EIF3H: variants seen among roughly 807,000 people sequenced by gnomAD.
The protein encoded by EIF3H is eukaryotic translation initiation factor 3 subunit H.
Under a neutral mutation model 44.2 loss-of-function variants are expected in EIF3H, and 26 were observed. The observed-to-expected ratio is 0.59, with a 90% CI of 0.43 to 0.82. The LOEUF (loss-of-function observed/expected upper bound fraction) is 0.82. EIF3H is among the 40% of genes least tolerant of loss of function. EIF3H has a pLI of 0.00. For missense variants in EIF3H, 359 were observed against 432.8 expected (o/e 0.83, Z 1.51); for synonymous variants, 166 against 151.9 (o/e 1.09, Z -0.68).
intron 2 of EIF3H, among the ~76,000 whole-genome samples, chr8:116,711,011 C>A (rs1439095267): frequency 6.6e-6 from 1 of 152,140 alleles, no homozygotes; most frequent in East Asian, 1.9e-4. Context: ...GCTATACATA[C>A]ATTTTAGAAA....
intron 2 of EIF3H, among the ~76,000 whole-genome samples, chr8:116,663,878 C>T (rs576544455): frequency 6.8e-6 from 1 of 145,990 alleles, no homozygotes; most frequent in African/African-American, 2.6e-5. Context: ...TTGCAGTGAA[C>T]TGAGATCACA....
At position 116,644,707 on chromosome 8, in the gene EIF3H, G is replaced by T. The variant is rs1010930391; in HGVS notation, c.*299C>A. ...CACCTGAGAGGCAGCAAAAGTGGTG[G>T]AGCCTATAGGTTTCTGCCTGGTGAA... On this transcript the variant is annotated 3_prime_UTR_variant, in exon 8 of 8. Coordinates refer to ENST00000521861, the MANE Select transcript of EIF3H (RefSeq NM_003756.3). 2.6e-5 allele frequency: 7 copies of T among 267,092 alleles called. No homozygotes were observed. The highest frequency in any genetic ancestry group is 4.2e-5 in the Non-Finnish European group (6 of 141,862). 16.5% of individuals were successfully genotyped at this position (267,092 alleles called of 1,614,324 possible).
intron 1 of EIF3H, among the ~76,000 whole-genome samples, chr8:116,728,884 G>A (rs1450689163): frequency 1.3e-5 from 2 of 152,136 alleles, no homozygotes; most frequent in African/African-American, 4.8e-5. Flanking sequence ...AAATGACACA[G>A]TATAGAGTTC....
intron 5 of EIF3H, among the ~76,000 whole-genome samples, chr8:116,651,991 G>C (rs1414631288): frequency 6.6e-6 from 1 of 152,208 alleles, no homozygotes; most frequent in Non-Finnish European, 1.5e-5. Context: ...AGCTGTGAAA[G>C]TAATGAGGAA....
chr8:116,721,067 G>A (rs939906217), intron 2 of EIF3H, among the ~76,000 whole-genome samples: 3 of 152,132 alleles, frequency 2.0e-5, no homozygotes, highest in Non-Finnish European at 1.5e-5. Flanking sequence ...ATGTCTCCAG[G>A]GCACGTCGGA....
intron 1 of EIF3H, among the ~76,000 whole-genome samples, chr8:116,741,955 TAA>T (rs1339415026): frequency 6.6e-6 from 1 of 152,208 alleles, no homozygotes; most frequent in Admixed American, 6.5e-5. Context: ...GCATTAGTCT[TAA>T]ATTTAACACA....
intron 2 of EIF3H, among the ~76,000 whole-genome samples, chr8:116,715,695 C>T (rs1396370555): frequency 2.0e-5 from 3 of 152,096 alleles, no homozygotes; most frequent in Admixed American, 2.0e-4. Flanking sequence ...GTTATTGAAT[C>T]TGTGTTTAAT....
chr8:116,707,572 G>A (rs899280858), intron 2 of EIF3H, among the ~76,000 whole-genome samples: 1 of 114,602 alleles, frequency 8.7e-6, no homozygotes, highest in Non-Finnish European at 1.9e-5. Context: ...ATACTTATTT[G>A]ATAATATTCA....
rs1563660016 is a variant in EIF3H at position 116,743,817 on chromosome 8, C to CAG, written c.132+11848_132+11849insCT. 1.4e-4 allele frequency among the ~76,000 whole-genome samples: 17 copies of CAG among 123,216 alleles called. No individual in the cohort carries two copies. The East Asian group carries it at 4.3e-3, about 31-fold the overall frequency. 80.8% of individuals were successfully genotyped at this position (123,216 alleles called of 152,430 possible). On this transcript the variant is annotated intron_variant, in intron 1 of 7. Coordinates refer to ENST00000521861, the MANE Select transcript of EIF3H (RefSeq NM_003756.3). ...ATATATAAACACACACACACACACA[C>CAG]ACACACACACACACACACACATATA... is the stretch of plus-strand genomic sequence containing the variant.
intron 2 of EIF3H, among the ~76,000 whole-genome samples, chr8:116,663,042 G>A (rs1046927181): frequency 2.0e-5 from 3 of 152,144 alleles, no homozygotes; most frequent in African/African-American, 7.2e-5. Flanking sequence ...TGCATATCTG[G>A]AATTGGTTTG....
intron 2 of EIF3H, among the ~76,000 whole-genome samples, chr8:116,724,093 T>C (rs1029255048): frequency 6.6e-6 from 1 of 152,158 alleles, no homozygotes; most frequent in Non-Finnish European, 1.5e-5. Flanking sequence ...ACTTCTGACA[T>C]TAAGACAGAC....
At position 116,752,756 on chromosome 8, in the gene EIF3H, G is replaced by GGAAAGAAAGAAAGAAA. The variant is rs1563663128; in HGVS notation, c.132+2909_132+2910insTTTCTTTCTTTCTTTC. On this transcript the variant is annotated intron_variant, in intron 1 of 7. Transcript: ENST00000521861. ...AGAAGAGAAAGAAAGAAAGAAAGAG[G>GGAAAGAAAGAAAGAAA]GAGGGAGGGAGGGAGGGAGGGAGGG... 2.9e-3 allele frequency among the ~76,000 whole-genome samples: 38 copies of GGAAAGAAAGAAAGAAA among 13,006 alleles called. 2 individuals are homozygous for GGAAAGAAAGAAAGAAA. The highest frequency in any genetic ancestry group is 6.6e-3 in the East Asian group (3 of 452). The allele number at this position is 13,006 out of a possible 152,430, so 8.5% of individuals were successfully genotyped here. A position where few individuals can be genotyped will look rare whatever the true frequency, so the allele number is the denominator to read the frequency against.
At chr8:116,711,288 C>T (rs991321343) in intron 2 of EIF3H, among the ~76,000 whole-genome samples, 1 of 152,148 alleles carries the variant, frequency 6.6e-6, no homozygotes, top group South Asian at 2.1e-4. Flanking sequence ...CCACCCTATT[C>T]CCCATTTTAT....
At chr8:116,660,048 G>T (rs960664248) in intron 2 of EIF3H, among the ~76,000 whole-genome samples, 1 of 151,850 alleles carries the variant, frequency 6.6e-6, no homozygotes, top group Non-Finnish European at 1.5e-5. Context: ...CACCGCACCC[G>T]GCTAATTTTT....
At chr8:116,656,324 G>A (rs1210712336) in intron 4 of EIF3H, among the ~76,000 whole-genome samples, 1 of 152,104 alleles carries the variant, frequency 6.6e-6, no homozygotes, top group African/African-American at 2.4e-5. Context: ...AGTAAGTTAT[G>A]CTACACAACC....
intron 1 of EIF3H, among the ~76,000 whole-genome samples, chr8:116,728,551 C>T (rs1308400328): frequency 6.6e-6 from 1 of 152,054 alleles, no homozygotes; most frequent in African/African-American, 2.4e-5. Context: ...CCCAAAAAGA[C>T]TACACCAGTA....
Position 116,653,348 on chromosome 8 carries a change from A to AAC in EIF3H, c.707+2506_707+2507dup, listed in dbSNP as rs771922316. Among the ~76,000 whole-genome samples, 85 of 144,674 alleles carry AAC rather than the reference A, an allele frequency of 5.9e-4. 1 individual carries two copies. The highest frequency in any genetic ancestry group is 1.8e-3 in the South Asian group (8 of 4,528). 94.9% of individuals were successfully genotyped at this position (144,674 alleles called of 152,430 possible). ...GCTCTTCAGAAAAAAAACAATCAGA[A>AAC]ACACACACACACACACACACACAAT... On this transcript the variant is annotated intron_variant, in intron 5 of 7. Coordinates refer to ENST00000521861, the MANE Select transcript of EIF3H (RefSeq NM_003756.3).
At chr8:116,721,796 T>C (rs1386380687) in intron 2 of EIF3H, among the ~76,000 whole-genome samples, 1 of 152,266 alleles carries the variant, frequency 6.6e-6, no homozygotes, top group Non-Finnish European at 1.5e-5. Context: ...CCCCTTCATT[T>C]TGGCTCATTC....
intron 2 of EIF3H, among the ~76,000 whole-genome samples, chr8:116,695,441 G>A (rs1814253810): frequency 6.6e-6 from 1 of 152,122 alleles, no homozygotes; most frequent in Non-Finnish European, 1.5e-5. Flanking sequence ...CTACAGCTTG[G>A]TGGGAGAAGA....
Sources: allele counts gnomAD v4.1 joint callset (sites outside exome capture counted in the v4.1 genomes callset), GRCh38; gene constraint gnomAD v4.1.1; transcripts MANE v1.5; gene names NCBI Gene and HGNC (gene_info 2026-07-23, HGNC 2026-07-21).